GRM5: variants seen among roughly 807,000 people sequenced by gnomAD.
GRM5 encodes the protein metabotropic glutamate receptor 5.
GRM5 carries 19 observed loss-of-function variants against 83.1 expected under a neutral mutation model. The ratio of observed to expected loss-of-function variants is 0.23; its 90% CI spans 0.16 to 0.34. The LOEUF is 0.34. Among genes scored for constraint, GRM5 ranks in the 10% least tolerant of loss-of-function variants. The pLI is 1.00. For synonymous variants in GRM5, 675 were observed against 633.6 expected, an observed-to-expected ratio of 1.07 and a Z score of -0.98; for missense variants, 1,160 against 1,588.3, an observed-to-expected ratio of 0.73 and a Z score of 4.58.
chr11:89,032,780 T>C (rs1026368845), intron 2 of GRM5, among the ~76,000 whole-genome samples: 2 of 152,054 alleles, frequency 1.3e-5, no homozygotes, highest in Admixed American at 6.6e-5. Flanking sequence ...CAAGTGTATC[T>C]GAATTCAATG....
At chr11:88,948,572 G>C (rs1408459398) in intron 2 of GRM5, among the ~76,000 whole-genome samples, 1 of 152,158 alleles carries the variant, frequency 6.6e-6, no homozygotes, top group Non-Finnish European at 1.5e-5. Context: ...GAAATGCAAG[G>C]GTTCAAGTTT....
intron 2 of GRM5, among the ~76,000 whole-genome samples, chr11:88,994,512 G>A (rs1288840678): frequency 8.2e-6 from 1 of 122,498 alleles, no homozygotes; most frequent in Non-Finnish European, 1.6e-5. Context: ...GTATTGATAT[G>A]ACAATAATAT....
At chr11:88,613,861 A>G (rs576470485) in intron 4 of GRM5, among the ~76,000 whole-genome samples, 6 of 152,174 alleles carry the variant, frequency 3.9e-5, no homozygotes, top group Non-Finnish European at 8.8e-5. Context: ...GACACTCTAT[A>G]TACCTTATTA....
At chr11:88,896,377 A>C (rs1403580999) in intron 2 of GRM5, among the ~76,000 whole-genome samples, 2 of 151,980 alleles carry the variant, frequency 1.3e-5, no homozygotes, top group Non-Finnish European at 2.9e-5. Flanking sequence ...GATACGAAAA[A>C]AAGGAGGAAA....
intron 2 of GRM5, among the ~76,000 whole-genome samples, chr11:89,034,396 C>G (rs1480953786): frequency 6.6e-6 from 1 of 151,782 alleles, no homozygotes; most frequent in Non-Finnish European, 1.5e-5. Flanking sequence ...TTACTTCAAC[C>G]AAAGCTATCC....
chr11:88,654,383 A>C lies in GRM5; in HGVS notation c.912-980T>G, dbSNP rs991752748. Among the ~76,000 whole-genome samples, 5 of 152,086 alleles carry C rather than the reference A, an allele frequency of 3.3e-5. No individual in the cohort carries two copies. The South Asian group carries it at 1.0e-3, about 32-fold the overall frequency. ...GGGCATCTAAGGAAGAAGGAAAGTG[A>C]CTTGTCCCTCTTCACTGCCATTGGT... On this transcript the variant is annotated intron_variant, in intron 3 of 9. Transcript: ENST00000305447.
chr11:88,547,581 G>A (rs1942413220), intron 8 of GRM5, among the ~76,000 whole-genome samples: 1 of 152,110 alleles, frequency 6.6e-6, no homozygotes, highest in Non-Finnish European at 1.5e-5. Flanking sequence ...TCCTCTATGA[G>A]TTCCTTTAAT....
intron 4 of GRM5, among the ~76,000 whole-genome samples, chr11:88,620,662 A>G (rs1469123477): frequency 3.3e-5 from 5 of 152,184 alleles, no homozygotes; most frequent in Non-Finnish European, 7.3e-5. Flanking sequence ...GAAGAAAACA[A>G]ATAGTCTATG....
At chr11:88,648,383 C>T (rs1250950410) in intron 4 of GRM5, among the ~76,000 whole-genome samples, 4 of 144,066 alleles carry the variant, frequency 2.8e-5, no homozygotes, top group Non-Finnish European at 6.1e-5. Flanking sequence ...AATCATCATT[C>T]TCAGTAAACT....
chr11:88,613,938 C>T (rs1938398017), intron 4 of GRM5, among the ~76,000 whole-genome samples: 1 of 152,104 alleles, frequency 6.6e-6, no homozygotes, highest in Admixed American at 6.6e-5. Flanking sequence ...AGTCTTATAA[C>T]CTACCTTTCC....
chr11:89,059,984 T>C (rs1201910886), intron 1 of GRM5, among the ~76,000 whole-genome samples: 1 of 152,068 alleles, frequency 6.6e-6, no homozygotes, highest in Non-Finnish European at 1.5e-5. Flanking sequence ...TACATAAATT[T>C]AAGTAACTTG....
chr11:88,643,553 C>G (rs1939355043), intron 4 of GRM5, among the ~76,000 whole-genome samples: 1 of 152,084 alleles, frequency 6.6e-6, no homozygotes, highest in Non-Finnish European at 1.5e-5. Flanking sequence ...GAATAATCCC[C>G]AAAAATGTAA....
chr11:88,602,560 G>A (rs1938029223), intron 5 of GRM5, among the ~76,000 whole-genome samples: 1 of 152,136 alleles, frequency 6.6e-6, no homozygotes, highest in Non-Finnish European at 1.5e-5. Flanking sequence ...CTTTGATCTG[G>A]CAGAATGCTT....
intron 3 of GRM5, among the ~76,000 whole-genome samples, chr11:88,698,748 A>G (rs1002917810): frequency 2.6e-5 from 4 of 152,170 alleles, no homozygotes; most frequent in Non-Finnish European, 4.4e-5. Context: ...CAGTGAAGGG[A>G]AGTATTCTTA....
intron 3 of GRM5, among the ~76,000 whole-genome samples, chr11:88,838,296 C>G (rs1944131167): frequency 1.3e-5 from 2 of 152,198 alleles, no homozygotes; most frequent in South Asian, 4.1e-4. Context: ...CAGCTTCATT[C>G]CACTATCTTC....
intron 2 of GRM5, among the ~76,000 whole-genome samples, chr11:88,990,155 T>G (rs199786918): frequency 7.9e-6 from 1 of 127,318 alleles, no homozygotes; most frequent in Non-Finnish European, 1.6e-5. Flanking sequence ...ATCAAATAGA[T>G]GCAATAAAAA....
chr11:88,545,148 C>T (rs1942359507), intron 8 of GRM5, among the ~76,000 whole-genome samples: 1 of 152,168 alleles, frequency 6.6e-6, no homozygotes, highest in Admixed American at 6.6e-5. Flanking sequence ...CTTTGAAACA[C>T]ATTTTTCCTG....
At chr11:88,753,763 G>A (rs1348020302) in intron 3 of GRM5, among the ~76,000 whole-genome samples, 4 of 152,032 alleles carry the variant, frequency 2.6e-5, no homozygotes, top group African/African-American at 4.8e-5. Context: ...AGGCATTCCC[G>A]AGACTGAGCA....
At chr11:88,793,216 C>A (rs1298721766) in intron 3 of GRM5, among the ~76,000 whole-genome samples, 1 of 152,134 alleles carries the variant, frequency 6.6e-6, no homozygotes, top group African/African-American at 2.4e-5. Context: ...CTAGCCCAAA[C>A]TTAAACCTAA....
Sources: allele counts gnomAD v4.1 joint callset (sites outside exome capture counted in the v4.1 genomes callset), GRCh38; gene constraint gnomAD v4.1.1; transcripts MANE v1.5; gene names NCBI Gene and HGNC (gene_info 2026-07-23, HGNC 2026-07-21).